The following ASAH1 variants were observed in gnomAD, a reference collection of about 807,000 sequenced individuals.
The protein encoded by ASAH1 is N-acylsphingosine amidohydrolase 1.
A neutral mutation model predicts 59.5 loss-of-function variants in ASAH1; 70 were observed. That is an observed-to-expected ratio of 1.18 (90% CI 0.97 to 1.43). The LOEUF (loss-of-function observed/expected upper bound fraction) is 1.43. ASAH1 is among the 40% of genes most tolerant of loss of function. The pLI is 0.00. For missense variants in ASAH1, 660 were observed against 482.5 expected (o/e 1.37, Z -3.45); for synonymous variants, 213 against 166.5 (o/e 1.28, Z -2.15).
At position 18,071,312 on chromosome 8, in the gene ASAH1, G is replaced by C; in HGVS notation, c.204C>G (p.Asp68Glu). The change falls in exon 3 of 14, where the codon GAC (aspartate) becomes GAG (glutamate). Residue 68 changes from aspartate to glutamate, a missense_variant. Coordinates refer to ENST00000637790, the MANE Select transcript of ASAH1 (RefSeq NM_177924.5). ...CATCATAGCATACCACTGGTGCCTT[G>C]TCAAGCATCAATTCATGCCATCTTT... is the stretch of plus-strand genomic sequence containing the variant. Reference protein sequence around the residue: ...PYKRWHELMLDKAPVLKVIVN... With the variant: ...PYKRWHELMLEKAPVLKVIVN... 1 of 1,588,932 alleles carries C rather than the reference G, an allele frequency of 6.3e-7. No homozygotes were observed. The highest frequency in any genetic ancestry group is 8.6e-7 in the Non-Finnish European group (1 of 1,160,070).
chr8:18,064,177 T>C (rs550758750), intron 6 of ASAH1: 9 of 561,402 alleles, frequency 1.6e-5, no homozygotes, highest in Non-Finnish European at 2.8e-5. Flanking sequence ...TGTAGATGGG[T>C]AGAAGTAAAC....
intron 1 of ASAH1, among the ~76,000 whole-genome samples, chr8:18,083,643 G>A (rs552775181): frequency 6.6e-6 from 1 of 152,334 alleles, no homozygotes; most frequent in East Asian, 1.9e-4. Flanking sequence ...AGGTCCACCG[G>A]AACATTTTAT....
At chr8:18,082,571 G>A (rs1049720621) in intron 1 of ASAH1, 1 of 152,190 alleles carries the variant, frequency 6.6e-6, no homozygotes, top group Non-Finnish European at 1.5e-5. Flanking sequence ...GTGCTAAACA[G>A]AATGGCTGTT....
Position 18,061,467 on chromosome 8 carries a change from G to A in ASAH1, c.704-9C>T. ...AATCCATTCTAGAATACCTGGAAGA[G>A]ATGAACACAATGTCAGGAACCGGAA... On this transcript the variant is annotated splice_polypyrimidine_tract_variant and intron_variant, in intron 9 of 13. Transcript: ENST00000637790. The A allele has an allele frequency of 1.2e-6, 2 of 1,606,152 alleles. No homozygotes were observed. Among genetic ancestry groups the A allele is most frequent in the Non-Finnish European group, 1.7e-6 (2 of 1,172,586 alleles).
chr8:18,058,006 C>T (rs560238954), intron 13 of ASAH1: 4 of 158,966 alleles, frequency 2.5e-5, no homozygotes, highest in African/African-American at 9.6e-5. Context: ...CCTGGGAGAC[C>T]TGCCGGTGTC....
intron 10 of ASAH1, 87 bp from the exon 11 acceptor site, chr8:18,059,790 T>C: frequency 1.5e-6 from 2 of 1,353,024 alleles, no homozygotes; most frequent in Non-Finnish European, 2.0e-6. Context: ...TACTTTAAGT[T>C]CTGGGACACA....
At chr8:18,081,644 G>A (rs571184493) in intron 1 of ASAH1, among the ~76,000 whole-genome samples, 1 of 152,166 alleles carries the variant, frequency 6.6e-6, no homozygotes, top group Non-Finnish European at 1.5e-5. Context: ...GGAATATTGT[G>A]AAAAGCCTCA....
intron 2 of ASAH1, among the ~76,000 whole-genome samples, chr8:18,073,798 C>T (rs1358187003): frequency 6.6e-6 from 1 of 152,062 alleles, no homozygotes; most frequent in Non-Finnish European, 1.5e-5. Context: ...TCTCAAGATC[C>T]ATTGATAGAG....
intron 4 of ASAH1, chr8:18,068,484 G>A (rs1170244832): frequency 6.6e-6 from 1 of 152,208 alleles, no homozygotes; most frequent in East Asian, 1.9e-4. Flanking sequence ...ATGCACGTGA[G>A]GGATAATGGG....
intron 5 of ASAH1, 82 bp downstream of exon 5, chr8:18,067,138 G>GCTGTATATCTAAGACATACAGCACCTGTC: frequency 2.7e-6 from 3 of 1,112,914 alleles, no homozygotes; most frequent in Non-Finnish European, 2.6e-6. Context: ...CAGCACCTGT[G>GCTGTATATCTAAGACATACAGCACCTGTC]CTGTATGTAT....
At chr8:18,064,211 T>C (rs1165866245) in intron 6 of ASAH1, 2 of 586,440 alleles carry the variant, frequency 3.4e-6, no homozygotes, top group South Asian at 2.2e-5. Flanking sequence ...AGAATGTTTC[T>C]AGCCCTGCAA....
chr8:18,083,913 A>ACACCTGCGCCTCCATCCGCGCCCG, intron 1 of ASAH1, 68 bp downstream of exon 1: 1 of 1,550,212 alleles, frequency 6.5e-7, no homozygotes, highest in South Asian at 1.2e-5. Flanking sequence ...TCGCGCCGCC[A>ACACCTGCGCCTCCATCCGCGCCCG]CACCTGCGCC....
At chr8:18,069,062 G>A (rs1163660103) in intron 4 of ASAH1, among the ~76,000 whole-genome samples, 1 of 150,700 alleles carries the variant, frequency 6.6e-6, no homozygotes, top group Non-Finnish European at 1.5e-5. Context: ...GATCCCTTGA[G>A]CCTGGGAGAT....
chr8:18,056,969 G>C lies in ASAH1; in HGVS notation c.*565C>G, dbSNP rs913820869. ...AGGGCCCATTTTGTGCCCATTAAAA[G>C]AAATATACAGGTGAATGTCTGTCTC... On this transcript the variant is annotated 3_prime_UTR_variant, in exon 14 of 14. Transcript: ENST00000637790. 6 of 154,096 alleles carry C rather than the reference G, an allele frequency of 3.9e-5. No individual in the cohort carries two copies. The highest frequency in any genetic ancestry group is 1.4e-4 in the African/African-American group (6 of 41,444). The allele number at this position is 154,096 out of a possible 1,614,324, so 9.5% of individuals were successfully genotyped here.
chr8:18,071,748 C>G (rs1800186983), intron 2 of ASAH1, among the ~76,000 whole-genome samples: 1 of 151,976 alleles, frequency 6.6e-6, no homozygotes, highest in Non-Finnish European at 1.5e-5. Flanking sequence ...AGTCTGGGCT[C>G]TAGACAATTC....
chr8:18,065,197 T>G (rs957410393), intron 5 of ASAH1: 7 of 151,406 alleles, frequency 4.6e-5, no homozygotes, highest in Non-Finnish European at 1.0e-4. Context: ...TATACATTTA[T>G]AATAATTTAT....
At chr8:18,077,860 A>G (rs938223383) in intron 1 of ASAH1, among the ~76,000 whole-genome samples, 1 of 152,138 alleles carries the variant, frequency 6.6e-6, no homozygotes, top group Non-Finnish European at 1.5e-5. Context: ...TCCGCTTTAC[A>G]TTTTCTTGTT....
rs530110758 is a variant in ASAH1 at position 18,064,622 on chromosome 8, TGTGA to T, written c.383-95_383-92del. 42 of 787,346 alleles carry T rather than the reference TGTGA, an allele frequency of 5.3e-5. No homozygotes were observed. The East Asian group carries it at 1.1e-3, about 20-fold the overall frequency. 48.8% of individuals were successfully genotyped at this position (787,346 alleles called of 1,614,324 possible). On this transcript the variant is annotated intron_variant, in intron 5 of 13. Transcript: ENST00000637790. ...AGAAAAAGTTTCAGTGTTTTCATTGTGTGAGTGTGTGCTTTGGCCAGTGGGGCTG... is the reference window on the plus strand; with the variant it reads ...AGAAAAAGTTTCAGTGTTTTCATTGTGTGTGTGCTTTGGCCAGTGGGGCTG...
At chr8:18,059,192 A>C (rs998369160) in intron 12 of ASAH1, 149 bp downstream of exon 12, 2 of 1,317,824 alleles carry the variant, frequency 1.5e-6, no homozygotes, top group African/African-American at 2.9e-5. Context: ...AAGTTAAGAA[A>C]ACGAAACAAA....
Sources: allele counts gnomAD v4.1 joint callset (sites outside exome capture counted in the v4.1 genomes callset), GRCh38; gene constraint gnomAD v4.1.1; transcripts MANE v1.5; gene names NCBI Gene and HGNC (gene_info 2026-07-23, HGNC 2026-07-21).